The following FER1L6 variants were observed in gnomAD, a reference collection of about 807,000 sequenced individuals.
The protein encoded by FER1L6 is fer-1 like family member 6.
FER1L6 carries 177 observed loss-of-function variants against 219.2 expected under a neutral mutation model. The ratio of observed to expected loss-of-function variants is 0.81; its 90% CI spans 0.71 to 0.91. The LOEUF (loss-of-function observed/expected upper bound fraction) is 0.91, where lower values mean the gene tolerates loss of function less well. FER1L6 is among the 40% of genes least tolerant of loss of function. The pLI is 0.00. For synonymous variants in FER1L6, 768 were observed against 824.3 expected, an observed-to-expected ratio of 0.93 and a Z score of 1.17; for missense variants, 2,153 against 2,259.9, an observed-to-expected ratio of 0.95 and a Z score of 0.96.
intron 18 of FER1L6, among the ~76,000 whole-genome samples, chr8:124,030,182 G>C (rs1374548467): frequency 6.6e-6 from 1 of 152,094 alleles, no homozygotes; most frequent in Admixed American, 6.5e-5. Context: ...GCCCACATTT[G>C]TCAAGCTTAT....
intron 24 of FER1L6, among the ~76,000 whole-genome samples, chr8:124,061,396 CA>C (rs1820565568): frequency 6.6e-6 from 1 of 152,050 alleles, no homozygotes; most frequent in Admixed American, 6.6e-5. Context: ...ATGGTGTTTG[CA>C]AACCTTTTGT....
At chr8:124,083,499 T>C (rs972396218) in intron 33 of FER1L6, among the ~76,000 whole-genome samples, 1 of 152,318 alleles carries the variant, frequency 6.6e-6, no homozygotes, top group East Asian at 1.9e-4. Context: ...CTCTGATATA[T>C]CTTTTTGGCA....
In FER1L6 at chr8:124,072,990, G is replaced by A. The variant is rs555169365; in HGVS notation, c.4092+1359G>A. Among the ~76,000 whole-genome samples, 326 of 152,328 alleles carry A rather than the reference G, an allele frequency of 2.1e-3. 1 individual carries two copies. The highest frequency in any genetic ancestry group is 3.8e-3 in the Non-Finnish European group (261 of 68,022). On this transcript the variant is annotated intron_variant, in intron 31 of 40. Transcript: ENST00000522917. Reference sequence around the variant, plus strand: ...CTCATTAGCACATTCAAGGCTCTGAGAATTTCAGAAGCAAACAAACCTATT... The same window carrying A: ...CTCATTAGCACATTCAAGGCTCTGAAAATTTCAGAAGCAAACAAACCTATT...
At chr8:123,964,258 G>A (rs919946155) in intron 3 of FER1L6, among the ~76,000 whole-genome samples, 1 of 152,166 alleles carries the variant, frequency 6.6e-6, no homozygotes, top group Admixed American at 6.6e-5. Flanking sequence ...GGCTAACAAT[G>A]CTTTCAGTCT....
rs930662967 is a variant in FER1L6, at chr8:124,111,881, T to C, written c.5290-6963T>C. On this transcript the variant is annotated intron_variant, in intron 39 of 40. Transcript: ENST00000522917. This position sits in a 1 kb window ranked among gnomAD's most constrained non-coding sequence, Gnocchi z 5.0. ...CTTAGAATGCCTTAACCGTCGGGAATGCAGCCCAGTAGGTCTCAGCTCCAT... is the reference window on the plus strand; with the variant it reads ...CTTAGAATGCCTTAACCGTCGGGAACGCAGCCCAGTAGGTCTCAGCTCCAT... Among the ~76,000 whole-genome samples, 2 of 152,180 alleles carry C rather than the reference T, an allele frequency of 1.3e-5. No individual in the cohort carries two copies. The highest frequency in any genetic ancestry group is 4.8e-5 in the African/African-American group (2 of 41,430).
At chr8:123,972,611 A>T (rs1004135524) in intron 6 of FER1L6, among the ~76,000 whole-genome samples, 1 of 152,172 alleles carries the variant, frequency 6.6e-6, no homozygotes, top group Admixed American at 6.5e-5. Context: ...GGAAGTTCTG[A>T]CAGTTATAAA....
chr8:123,965,408 G>A (rs1208045861), intron 3 of FER1L6, among the ~76,000 whole-genome samples: 1 of 152,144 alleles, frequency 6.6e-6, no homozygotes, highest in Admixed American at 6.5e-5. Context: ...TCTTTCTGTT[G>A]TTATCCATCT....
intron 2 of FER1L6, among the ~76,000 whole-genome samples, chr8:123,962,373 GA>G (rs1264919403): frequency 6.6e-6 from 1 of 152,088 alleles, no homozygotes; most frequent in Non-Finnish European, 1.5e-5. Context: ...TAGAGAAAAA[GA>G]AAAACCTGTG....
At chr8:124,023,199 G>A (rs115212652) in intron 17 of FER1L6, among the ~76,000 whole-genome samples, 3,667 of 152,288 alleles carry the variant, frequency 0.024, 145 homozygotes, top group African/African-American at 0.084. Context: ...ACAGGCATGA[G>A]CCACTGCCGC....
chr8:124,062,675 C>T (rs9987271), intron 25 of FER1L6, among the ~76,000 whole-genome samples: 57,517 of 151,962 alleles, frequency 0.38, 10,954 homozygotes, highest in Non-Finnish European at 0.39. Flanking sequence ...CATATTAGAC[C>T]CATTGACTAC....
intron 12 of FER1L6, among the ~76,000 whole-genome samples, chr8:123,999,789 G>A (rs140854273): frequency 3.9e-4 from 59 of 152,246 alleles, no homozygotes; most frequent in African/African-American, 1.3e-3. Flanking sequence ...AGACAAGGTC[G>A]TCTTTACTCT....
intron 1 of FER1L6, among the ~76,000 whole-genome samples, chr8:123,862,765 G>T (rs373531325): frequency 2.6e-5 from 3 of 115,054 alleles, no homozygotes; most frequent in East Asian, 4.1e-4. Context: ...GTTTATTTGC[G>T]TAGAGGTGTT....
At chr8:123,988,726 G>A (rs2130393741) in intron 12 of FER1L6, among the ~76,000 whole-genome samples, 1 of 152,186 alleles carries the variant, frequency 6.6e-6, no homozygotes, top group South Asian at 2.1e-4. Context: ...GGTTTTTGGT[G>A]GAATATTTAG....
chr8:124,045,716 C>T (rs376667664), intron 20 of FER1L6, 51 bp from the exon 21 acceptor site: 2 of 1,601,524 alleles, frequency 1.2e-6, no homozygotes, highest in Non-Finnish European at 1.7e-6. Flanking sequence ...CCTTAGAGCC[C>T]CTATAACTCA....
At position 124,003,353 on chromosome 8, in the gene FER1L6, A is replaced by G; in HGVS notation, c.1700+6A>G. 1.3e-6 allele frequency: 2 copies of G among 1,595,886 alleles called. 1 individual carries two copies. The highest frequency in any genetic ancestry group is 4.5e-5 in the East Asian group (2 of 44,138). On this transcript the variant is annotated splice_donor_region_variant and intron_variant, in intron 13 of 40. Coordinates refer to ENST00000522917, the MANE Select transcript of FER1L6 (RefSeq NM_001039112.2). ...CTGGTGACAGAAGGGAACAGGTAGG[A>G]GACATAGCCTGGGAGAACAGTCAAG...
rs75756153 is a variant in FER1L6 at position 123,889,644 on chromosome 8, A to G, written c.-8+37459A>G. ...ATAGTTAATACTTAATTCTGTATAT[A>G]AAAAAGGAGATGTGTTTGTAGTAAG... On this transcript the variant is annotated intron_variant, in intron 1 of 40. Coordinates refer to ENST00000522917, the MANE Select transcript of FER1L6 (RefSeq NM_001039112.2). Among the ~76,000 whole-genome samples the G allele has an allele frequency of 5.9e-3, 892 of 152,228 alleles. 28 individuals are homozygous for G. Among genetic ancestry groups the G allele is most frequent in the Admixed American group, 0.036 (556 of 15,288 alleles).
chr8:123,933,500 C>G (rs904229364), intron 1 of FER1L6, among the ~76,000 whole-genome samples: 1 of 152,112 alleles, frequency 6.6e-6, no homozygotes, highest in African/African-American at 2.4e-5. Flanking sequence ...TGGCACGTAG[C>G]AAGCAGCACC....
chr8:124,005,123 A>C (rs1817600663), intron 13 of FER1L6, among the ~76,000 whole-genome samples: 1 of 151,958 alleles, frequency 6.6e-6, no homozygotes, highest in Non-Finnish European at 1.5e-5. Flanking sequence ...GCCATTTAAA[A>C]ATTCTGGCCA....
intron 1 of FER1L6, among the ~76,000 whole-genome samples, chr8:123,879,807 G>A (rs531342345): frequency 7.9e-5 from 12 of 152,068 alleles, no homozygotes; most frequent in Admixed American, 2.0e-4. Flanking sequence ...TCTCAGGGTC[G>A]AATGCTCTCT....
Sources: gnomAD v4.1 joint callset for allele counts (sites outside exome capture counted in the v4.1 genomes callset) on GRCh38, gnomAD v4.1.1 for gene constraint, Gnocchi (gnomAD v3.1) non-coding constraint, MANE v1.5 for transcripts, NCBI Gene and HGNC (gene_info 2026-07-23, HGNC 2026-07-21) for gene names.